SPON1: variants seen among roughly 807,000 people sequenced by gnomAD.
SPON1 encodes the protein spondin 1, also known as spondin-1.
SPON1 carries 52 observed loss-of-function variants against 111.7 expected under a neutral mutation model. The observed-to-expected ratio is 0.47, with a 90% CI of 0.37 to 0.59. The LOEUF is 0.59. Among genes scored for constraint, SPON1 ranks in the 20% least tolerant of loss-of-function variants. The pLI is 0.00. For missense variants in SPON1, 957 were observed against 1,068.5 expected (o/e 0.90, Z 1.46); for synonymous variants, 410 against 395.8 (o/e 1.04, Z -0.43).
intron 2 of SPON1, among the ~76,000 whole-genome samples, chr11:14,007,098 A>G (rs782047505): frequency 2.6e-5 from 4 of 152,132 alleles, no homozygotes; most frequent in Non-Finnish European, 5.9e-5. Flanking sequence ...TGGTTTCAGG[A>G]TAAAACTGTT....
intron 3 of SPON1, among the ~76,000 whole-genome samples, chr11:14,056,037 G>A (rs1848742586): frequency 6.6e-6 from 1 of 152,194 alleles, no homozygotes; most frequent in South Asian, 2.1e-4. Context: ...GCTTAGCATT[G>A]TAGTTAAGAA....
At chr11:14,264,600 CTACATGGTAGT>C (rs1849241256) in intron 15 of SPON1, among the ~76,000 whole-genome samples, 1 of 152,214 alleles carries the variant, frequency 6.6e-6, no homozygotes, top group Admixed American at 6.5e-5. Flanking sequence ...GCTGTCTGTT[CTACATGGTAGT>C]CAGCCAGTCA....
At chr11:13,978,993 C>T (rs1848123908) in intron 1 of SPON1, among the ~76,000 whole-genome samples, 2 of 152,158 alleles carry the variant, frequency 1.3e-5, no homozygotes, top group Admixed American at 6.5e-5. Context: ...TGGGGTTCCC[C>T]GGAGGCTGAT....
At chr11:14,174,343 G>A (rs891733205) in intron 6 of SPON1, among the ~76,000 whole-genome samples, 1 of 152,190 alleles carries the variant, frequency 6.6e-6, no homozygotes, top group Non-Finnish European at 1.5e-5. Context: ...ATCCAAGTGT[G>A]CTAAGAGTCA....
chr11:14,180,650 G>A (rs913049727), intron 6 of SPON1, among the ~76,000 whole-genome samples: 35 of 152,188 alleles, frequency 2.3e-4, no homozygotes, highest in African/African-American at 8.2e-4. Flanking sequence ...ATTATGATCT[G>A]CCTGCCCTAA....
intron 3 of SPON1, among the ~76,000 whole-genome samples, chr11:14,071,551 T>C (rs1554920903): frequency 6.6e-6 from 1 of 152,148 alleles, no homozygotes; most frequent in Non-Finnish European, 1.5e-5. Flanking sequence ...AGCCTCAGAT[T>C]CTCTCCTGTC....
chr11:14,085,205 A>C (rs182601351), intron 5 of SPON1, among the ~76,000 whole-genome samples: 1 of 152,312 alleles, frequency 6.6e-6, no homozygotes, highest in East Asian at 1.9e-4. Context: ...TGTTGTAGTC[A>C]TGAAGTCTTT....
At chr11:14,235,279 G>A (rs534709567) in intron 6 of SPON1, among the ~76,000 whole-genome samples, 13 of 152,298 alleles carry the variant, frequency 8.5e-5, no homozygotes, top group Admixed American at 5.2e-4. Context: ...TTAGTTAAGC[G>A]TGTTCCCAAC....
chr11:14,170,661 G>A (rs9705064), intron 6 of SPON1, among the ~76,000 whole-genome samples: 89,499 of 150,486 alleles, frequency 0.59, 26,799 homozygotes, highest in Admixed American at 0.66. Flanking sequence ...TTATTGTGAG[G>A]TACGTCCCAT....
At chr11:14,229,951 CGTGT>C (rs55709324) in intron 6 of SPON1, among the ~76,000 whole-genome samples, 12,049 of 144,734 alleles carry the variant, frequency 0.083, 579 homozygotes, top group East Asian at 0.24. Context: ...TCTGTGTGTC[CGTGT>C]GTGTGTGTGT....
chr11:14,197,370 C>T (rs907893161), intron 6 of SPON1, among the ~76,000 whole-genome samples: 9 of 151,858 alleles, frequency 5.9e-5, no homozygotes, highest in South Asian at 2.1e-4. Flanking sequence ...CCTCAGTGCC[C>T]GAAAGCACAG....
At chr11:14,021,571 C>A (rs899807924) in intron 2 of SPON1, among the ~76,000 whole-genome samples, 3 of 152,304 alleles carry the variant, frequency 2.0e-5, no homozygotes, top group Admixed American at 6.5e-5. Flanking sequence ...CCCAAACAGG[C>A]TGAATCTGAG....
chr11:14,013,796 C>T (rs1271484361), intron 2 of SPON1, among the ~76,000 whole-genome samples: 2 of 152,094 alleles, frequency 1.3e-5, no homozygotes, highest in African/African-American at 4.8e-5. Flanking sequence ...CACAAGCAAT[C>T]TAGGAAAAGT....
chr11:13,967,894 T>C (rs1848031606), intron 1 of SPON1, among the ~76,000 whole-genome samples: 1 of 152,336 alleles, frequency 6.6e-6, no homozygotes, highest in Non-Finnish European at 1.5e-5. Flanking sequence ...GTTGTGGAGA[T>C]TGTTTATTGC....
intron 6 of SPON1, among the ~76,000 whole-genome samples, chr11:14,235,638 C>CTCCAGCCTAGGCATGATTATG (rs1554939139): frequency 1.4e-5 from 2 of 138,076 alleles, no homozygotes; most frequent in East Asian, 4.3e-4. Context: ...ATGATTATGC[C>CTCCAGCCTAGGCATGATTATG]CCTGTACTCC....
At chr11:13,969,146 G>A (rs1379585302) in intron 1 of SPON1, among the ~76,000 whole-genome samples, 1 of 148,736 alleles carries the variant, frequency 6.7e-6, no homozygotes, top group African/African-American at 2.5e-5. Flanking sequence ...TTGGGAGGCT[G>A]AGACAGGTGG....
chr11:14,175,454 A>G (rs540927200), intron 6 of SPON1, among the ~76,000 whole-genome samples: 1 of 152,290 alleles, frequency 6.6e-6, no homozygotes, highest in Admixed American at 6.5e-5. Context: ...GCTGGCTTGA[A>G]AAGCAGGGTT....
chr11:14,006,312 G>C (rs1462989250), intron 2 of SPON1, among the ~76,000 whole-genome samples: 4 of 152,022 alleles, frequency 2.6e-5, no homozygotes, highest in African/African-American at 9.7e-5. Context: ...TTTGGCAAGG[G>C]GAGAGGGACA....
In SPON1 at chr11:14,266,247, G is replaced by T. The variant is rs1849266592; in HGVS notation, c.*560G>T. On this transcript the variant is annotated 3_prime_UTR_variant, in exon 16 of 16. Transcript: ENST00000576479. The stretch of plus-strand genomic sequence containing the variant: ...TGAAGAGGAGCATTGATGTTGGGTG[G>T]CTTTTGTTCTTTCACTGAGAAATTC... 1 of 152,128 alleles carries T rather than the reference G, an allele frequency of 6.6e-6. No homozygotes were observed. The highest frequency in any genetic ancestry group is 2.4e-5 in the African/African-American group (1 of 41,412). The allele number at this position is 152,128 out of a possible 1,614,324, so 9.4% of individuals were successfully genotyped here.
Sources: gnomAD v4.1 joint callset for allele counts (sites outside exome capture counted in the v4.1 genomes callset) on GRCh38, gnomAD v4.1.1 for gene constraint, MANE v1.5 for transcripts, NCBI Gene and HGNC (gene_info 2026-07-23, HGNC 2026-07-21) for gene names.